POF1B: variants seen among roughly 807,000 people sequenced by gnomAD.
POF1B encodes protein POF1B.
POF1B carries 53 observed loss-of-function variants against 55.3 expected under a neutral mutation model. The ratio of observed to expected loss-of-function variants is 0.96; its 90% CI spans 0.77 to 1.20. POF1B has a LOEUF of 1.20. Ranked by LOEUF, POF1B falls within the 50% of genes most tolerant of loss-of-function variation. The pLI is 0.00. For synonymous variants in POF1B, 188 were observed against 148.3 expected (o/e 1.27, Z -1.95); for missense variants, 478 against 420.5 (o/e 1.14, Z -1.20).
chrX:85,377,087 G>A (rs1019336068), intron 2 of POF1B, among the ~76,000 whole-genome samples: 2 of 111,837 alleles, frequency 1.8e-5, no homozygotes, highest in East Asian at 2.8e-4. Flanking sequence ...CATCTGAAAC[G>A]TGGTTTATTA....
rs1057516020 is a variant in POF1B, at chrX:85,278,837, T to G, written c.*584A>C. 9.0e-6 allele frequency: 1 copy of G among 111,019 alleles called. No individual in the cohort carries two copies. The highest frequency in any genetic ancestry group is 1.9e-5 in the Non-Finnish European group (1 of 52,607). The allele number at this position is 111,019 out of a possible 1,213,427, so 9.1% of individuals were successfully genotyped here. On this transcript the variant is annotated 3_prime_UTR_variant, in exon 17 of 17. Transcript: ENST00000262753. ...GATATTATTCCACTTCCCTGCTAAA[T>G]GAAATTAATCATCACCTTTGACTTT...
intron 6 of POF1B, among the ~76,000 whole-genome samples, chrX:85,343,970 C>T (rs944469527): frequency 1.8e-5 from 2 of 111,137 alleles, no homozygotes; most frequent in African/African-American, 3.3e-5. Flanking sequence ...AACTCGGTTA[C>T]CTTATATGAG....
intron 2 of POF1B, among the ~76,000 whole-genome samples, chrX:85,376,175 C>T (rs1347685169): frequency 9.0e-6 from 1 of 111,588 alleles, no homozygotes; most frequent in East Asian, 2.8e-4. Flanking sequence ...TTCTCTCTCA[C>T]ATTTTTTCTC....
In POF1B at chrX:85,277,738, C is replaced by T. The variant is rs1223258946; in HGVS notation, c.*1683G>A. 3 of 110,500 alleles carry T rather than the reference C, an allele frequency of 2.7e-5. No homozygotes were observed. The highest frequency in any genetic ancestry group is 9.8e-5 in the African/African-American group (3 of 30,510). 9.1% of individuals were successfully genotyped at this position (110,500 alleles called of 1,213,427 possible). ...TGACCTCTAGTTCCATCCATGACTC[C>T]TTAACTGCCCCTGAATTTTTGACAC... On this transcript the variant is annotated 3_prime_UTR_variant, in exon 17 of 17. Transcript: ENST00000262753.
At chrX:85,284,570 T>G (rs1398324618) in intron 15 of POF1B, among the ~76,000 whole-genome samples, 1 of 111,785 alleles carries the variant, frequency 8.9e-6, no homozygotes, top group Non-Finnish European at 1.9e-5. Context: ...ATTCCCTTTT[T>G]AATAAATGGT....
chrX:85,357,509 C>G (rs1206730489), intron 4 of POF1B, among the ~76,000 whole-genome samples: 1 of 110,929 alleles, frequency 9.0e-6, no homozygotes, highest in African/African-American at 3.3e-5. Flanking sequence ...GATTTTGCCT[C>G]CATAAGTATA....
At chrX:85,367,523 A>T (rs1440087655) in intron 3 of POF1B, among the ~76,000 whole-genome samples, 169 bp downstream of exon 3, 1 of 112,380 alleles carries the variant, frequency 8.9e-6, no homozygotes, top group Non-Finnish European at 1.9e-5. Flanking sequence ...CATTACTTTT[A>T]TGGGCTGAGG....
intron 15 of POF1B, among the ~76,000 whole-genome samples, chrX:85,300,766 G>A (rs12007163): frequency 0.036 from 4,052 of 111,717 alleles, 193 homozygotes; most frequent in African/African-American, 0.13. Flanking sequence ...TTTTAAGTAT[G>A]CTCAAAGAAC....
At chrX:85,327,247 G>T (rs776388617) in intron 7 of POF1B, among the ~76,000 whole-genome samples, 18 of 111,350 alleles carry the variant, frequency 1.6e-4, no homozygotes, top group Middle Eastern at 4.7e-3. Flanking sequence ...CCGAGGAGTT[G>T]TTGGGGCCTA....
At chrX:85,319,647 T>C (rs1397504750) in intron 7 of POF1B, among the ~76,000 whole-genome samples, 1 of 111,718 alleles carries the variant, frequency 9.0e-6, no homozygotes, top group South Asian at 3.7e-4. Flanking sequence ...TGTTTTCAGT[T>C]CTGTACATAT....
At chrX:85,328,204 ATTTATTTAT>A (rs1411874754) in intron 7 of POF1B, among the ~76,000 whole-genome samples, 1 of 105,419 alleles carries the variant, frequency 9.5e-6, no homozygotes, top group East Asian at 3.0e-4. Context: ...TTATTTATTT[ATTTATTTAT>A]TTATTTTTTG....
intron 3 of POF1B, among the ~76,000 whole-genome samples, chrX:85,365,897 T>C (rs1172504945): frequency 9.0e-6 from 1 of 111,007 alleles, no homozygotes; most frequent in Non-Finnish European, 1.9e-5. Context: ...GGATGGGGGT[T>C]CTGTGCTGTA....
intron 7 of POF1B, among the ~76,000 whole-genome samples, chrX:85,320,611 T>C (rs1932827628): frequency 9.0e-6 from 1 of 110,572 alleles, no homozygotes; most frequent in Non-Finnish European, 1.9e-5. Flanking sequence ...CTGAAGGAAA[T>C]AGAGACACAA....
intron 15 of POF1B, among the ~76,000 whole-genome samples, chrX:85,294,544 C>G (rs970608982): frequency 2.7e-5 from 3 of 111,969 alleles, no homozygotes; most frequent in African/African-American, 9.7e-5. Flanking sequence ...GTTGAACCAA[C>G]CTTGAATCCC....
chrX:85,364,229 G>A (rs1979300091), intron 3 of POF1B, among the ~76,000 whole-genome samples: 1 of 110,705 alleles, frequency 9.0e-6, no homozygotes, highest in Non-Finnish European at 1.9e-5. Flanking sequence ...TTTTAACTGA[G>A]GTGTTTAGTC....
chrX:85,335,071 T>C (rs1034306808), intron 6 of POF1B, among the ~76,000 whole-genome samples: 1 of 111,400 alleles, frequency 9.0e-6, no homozygotes, highest in African/African-American at 3.2e-5. Flanking sequence ...TTGGCTTAAT[T>C]AAATTTATTC....
In POF1B at chrX:85,278,292, C is replaced by A. The variant is rs1263410631; in HGVS notation, c.*1129G>T. 9.1e-6 allele frequency: 1 copy of A among 110,415 alleles called. No homozygotes were observed. Among genetic ancestry groups the A allele is most frequent in the Admixed American group, 9.7e-5 (1 of 10,356 alleles). The allele number at this position is 110,415 out of a possible 1,213,427, so 9.1% of individuals were successfully genotyped here. ...GGATACTTGCAAAGATATTTCAGTC[C>A]AAAACTTCAAATTACACACCCAAAT... On this transcript the variant is annotated 3_prime_UTR_variant, in exon 17 of 17. Coordinates refer to ENST00000262753, the MANE Select transcript of POF1B (RefSeq NM_024921.4).
intron 15 of POF1B, among the ~76,000 whole-genome samples, chrX:85,296,967 A>G (rs1401499691): frequency 8.9e-6 from 1 of 111,874 alleles, no homozygotes; most frequent in Non-Finnish European, 1.9e-5. Flanking sequence ...GTTGATTATA[A>G]GATTCTGTCT....
intron 7 of POF1B, among the ~76,000 whole-genome samples, chrX:85,319,583 CT>C (rs1241047225): frequency 9.0e-6 from 1 of 110,910 alleles, no homozygotes; most frequent in Non-Finnish European, 1.9e-5. Flanking sequence ...ATAAAGGGAT[CT>C]TACATTTCAT....
Sources: gnomAD v4.1 joint callset for allele counts (sites outside exome capture counted in the v4.1 genomes callset) on GRCh38, gnomAD v4.1.1 for gene constraint, MANE v1.5 for transcripts, NCBI Gene and HGNC (gene_info 2026-07-23, HGNC 2026-07-21) for gene names.